GRM5: variants seen among roughly 807,000 people sequenced by gnomAD.
GRM5 encodes glutamate metabotropic receptor 5.
In GRM5, 19 loss-of-function variants were observed where a neutral mutation model predicts 83.1. That is an observed-to-expected ratio of 0.23 (90% CI 0.16 to 0.34). The LOEUF (loss-of-function observed/expected upper bound fraction) is 0.34, where lower values mean the gene tolerates loss of function less well. GRM5 is among the 10% of genes least tolerant of loss of function. The probability of loss-of-function intolerance (pLI) is 1.00; values close to 1 mark genes in which losing one functional copy is unlikely to be tolerated. For missense variants in GRM5, 1,160 were observed against 1,588.3 expected, an observed-to-expected ratio of 0.73 and a Z score of 4.58; for synonymous variants, 675 against 633.6, an observed-to-expected ratio of 1.07 and a Z score of -0.98.
chr11:88,949,286 T>C (rs1938379048), intron 2 of GRM5, among the ~76,000 whole-genome samples: 1 of 152,242 alleles, frequency 6.6e-6, no homozygotes, highest in Non-Finnish European at 1.5e-5. Context: ...TCTACTTTTG[T>C]GCTCCCACAG....
chr11:88,736,683 A>T (rs2135412018), intron 3 of GRM5, among the ~76,000 whole-genome samples: 1 of 152,162 alleles, frequency 6.6e-6, no homozygotes, highest in Non-Finnish European at 1.5e-5. Flanking sequence ...ATTTCCCTGC[A>T]GGATGGGAAT....
At chr11:89,036,292 C>T (rs1398150157) in intron 2 of GRM5, among the ~76,000 whole-genome samples, 5 of 151,962 alleles carry the variant, frequency 3.3e-5, no homozygotes, top group Non-Finnish European at 4.4e-5. Context: ...CTACCTTTTT[C>T]GTGCAATTGC....
chr11:88,529,318 C>G (rs1591326075), intron 8 of GRM5, among the ~76,000 whole-genome samples: 1 of 150,844 alleles, frequency 6.6e-6, no homozygotes, highest in South Asian at 2.1e-4. Flanking sequence ...ATTATAGAAA[C>G]AAATACAAGA....
intron 2 of GRM5, among the ~76,000 whole-genome samples, chr11:88,969,194 C>G (rs1939087422): frequency 6.6e-6 from 1 of 151,938 alleles, no homozygotes; most frequent in Non-Finnish European, 1.5e-5. Flanking sequence ...AAGAGATGAC[C>G]TAAAACACCT....
intron 3 of GRM5, among the ~76,000 whole-genome samples, chr11:88,687,561 TTATATA>T (rs1940668915): frequency 3.1e-4 from 1 of 3,250 alleles, no homozygotes; most frequent in African/African-American, 4.9e-4. Flanking sequence ...CACATATATA[TTATATA>T]TATATATATA....
intron 4 of GRM5, among the ~76,000 whole-genome samples, chr11:88,608,869 G>C (rs1446146888): frequency 2.0e-5 from 3 of 151,990 alleles, no homozygotes; most frequent in Non-Finnish European, 4.4e-5. Flanking sequence ...ACAATTTCTG[G>C]CACACAGTTG....
At chr11:88,694,453 T>G (rs964641366) in intron 3 of GRM5, among the ~76,000 whole-genome samples, 4 of 151,844 alleles carry the variant, frequency 2.6e-5, no homozygotes, top group African/African-American at 9.7e-5. Context: ...AAAGTGTAAG[T>G]GATGTGGTAT....
chr11:88,575,857 T>TC (rs142449566), intron 7 of GRM5, among the ~76,000 whole-genome samples: 8,078 of 152,266 alleles, frequency 0.053, 690 homozygotes, highest in African/African-American at 0.18. Context: ...CGTTTTAGAT[T>TC]CCTTAATAGA....
At chr11:88,596,021 G>A (rs921088491) in intron 6 of GRM5, among the ~76,000 whole-genome samples, 2 of 36,350 alleles carry the variant, frequency 5.5e-5, no homozygotes, top group Non-Finnish European at 2.5e-4. Context: ...TCTAGACTAA[G>A]CTTTAATCAC....
intron 2 of GRM5, among the ~76,000 whole-genome samples, chr11:88,976,345 G>A (rs371451355): frequency 1.3e-5 from 2 of 152,012 alleles, no homozygotes; most frequent in Admixed American, 1.3e-4. Flanking sequence ...AGTGTACTTC[G>A]GTCTCGTGAA....
chr11:89,012,111 GGAGT>G (rs1940718315), intron 2 of GRM5, among the ~76,000 whole-genome samples: 1 of 152,062 alleles, frequency 6.6e-6, no homozygotes, highest in African/African-American at 2.4e-5. Flanking sequence ...GAGAATGGAG[GGAGT>G]GAGTGAAGAA....
chr11:88,906,580 T>G (rs1294589814), intron 2 of GRM5, among the ~76,000 whole-genome samples: 2 of 152,214 alleles, frequency 1.3e-5, no homozygotes, highest in Non-Finnish European at 2.9e-5. Flanking sequence ...AAATAGATGT[T>G]GGTAAGGTTT....
At position 88,567,191 on chromosome 11, in the gene GRM5, C is replaced by T. The variant is rs1185114477; in HGVS notation, c.2492G>A (p.Arg831Lys). Residue 831 changes from arginine to lysine, a missense_variant, in exon 8 of 10, where the codon AGA becomes AAA. Coordinates refer to ENST00000305447, the MANE Select transcript of GRM5 (RefSeq NM_001143831.3). The surrounding 1 kb of genome is among the most constrained non-coding windows in gnomAD (Gnocchi z 7.3). The stretch of plus-strand genomic sequence containing the variant: ...TGTGGTGAAGGCGCTGCGCACGTTT[C>T]TCTCTGGTTTGGCCAGGATGATGTA... The part of the protein sequence containing the change: ...KVYIILAKPE[R>K]NVRSAFTTST... The T allele has an allele frequency of 6.2e-7, 1 of 1,614,010 alleles. No homozygotes were observed. Among genetic ancestry groups the T allele is most frequent in the African/African-American group, 1.3e-5 (1 of 74,926 alleles).
In GRM5 at chr11:88,567,507, T is replaced by C. The variant is rs762136548; in HGVS notation, c.2176A>G (p.Ile726Val). ...PPDIMHDYPS[I>V]REVYLICNTT... ...TTACAGATCAGGTAGACTTCTCGAA[T>C]GCTTGGGTAGTCATGCATTATGTCA... Residue 726 changes from isoleucine to valine, a missense_variant, in exon 8 of 10, where the codon ATT (isoleucine) becomes GTT (valine). By Grantham distance (29) the Ile-to-Val change is conservative. Coordinates refer to ENST00000305447, the MANE Select transcript of GRM5 (RefSeq NM_001143831.3). The surrounding 1 kb of genome is among the most constrained non-coding windows in gnomAD (Gnocchi z 7.3). The C allele has an allele frequency of 1.2e-6, 2 of 1,614,010 alleles. No homozygotes were observed. The highest frequency in any genetic ancestry group is 1.7e-6 in the Non-Finnish European group (2 of 1,179,880).
chr11:88,959,468 C>T (rs599359), intron 2 of GRM5, among the ~76,000 whole-genome samples: 144,957 of 151,762 alleles, frequency 0.96, 69,593 homozygotes, highest in East Asian at 1. Flanking sequence ...CATTAATATA[C>T]GTAAAGTTTC....
intron 2 of GRM5, among the ~76,000 whole-genome samples, chr11:88,944,537 C>CT (rs1013154764): frequency 6.6e-5 from 10 of 151,264 alleles, no homozygotes; most frequent in Admixed American, 2.0e-4. Flanking sequence ...ACCTACGTGC[C>CT]TTTTTTTTCA....
chr11:88,827,715 G>A (rs2135516351), intron 3 of GRM5, among the ~76,000 whole-genome samples: 1 of 152,302 alleles, frequency 6.6e-6, no homozygotes, highest in Middle Eastern at 3.4e-3. Context: ...GGTTTCTTCA[G>A]CTTATTTATT....
At chr11:89,011,170 T>C (rs1320049918) in intron 2 of GRM5, among the ~76,000 whole-genome samples, 1 of 152,228 alleles carries the variant, frequency 6.6e-6, no homozygotes, top group Non-Finnish European at 1.5e-5. Context: ...TTAATTTTCC[T>C]AATGCACTAG....
chr11:88,639,568 G>A (rs1939233906), intron 4 of GRM5, among the ~76,000 whole-genome samples: 1 of 151,504 alleles, frequency 6.6e-6, no homozygotes, highest in South Asian at 2.1e-4. Context: ...TCATATGTAA[G>A]CCTCATGATA....
Sources: gnomAD v4.1 joint callset for allele counts (sites outside exome capture counted in the v4.1 genomes callset) on GRCh38, gnomAD v4.1.1 for gene constraint, Gnocchi (gnomAD v3.1) non-coding constraint, MANE v1.5 for transcripts, NCBI Gene and HGNC (gene_info 2026-07-23, HGNC 2026-07-21) for gene names.